The following LRRC7 variants were observed in gnomAD, a reference collection of about 807,000 sequenced individuals.
LRRC7 encodes the protein leucine-rich repeat-containing protein 7.
LRRC7 carries 23 observed loss-of-function variants against 175.7 expected under a neutral mutation model. The observed-to-expected ratio is 0.13, with a 90% CI of 0.09 to 0.19. The LOEUF (loss-of-function observed/expected upper bound fraction) is 0.19, where lower values mean the gene tolerates loss of function less well. LRRC7 is among the 10% of genes least tolerant of loss of function. The pLI is 1.00. For synonymous variants in LRRC7, 685 were observed against 680.9 expected (o/e 1.01, Z -0.09); for missense variants, 1,354 against 1,904.7 (o/e 0.71, Z 5.38).
chr1:69,871,834 G>A (rs1368894882), intron 7 of LRRC7, among the ~76,000 whole-genome samples: 2 of 151,808 alleles, frequency 1.3e-5, no homozygotes, highest in African/African-American at 2.4e-5. Context: ...AGTAATTTTT[G>A]TTCAAATAAT....
intron 7 of LRRC7, among the ~76,000 whole-genome samples, chr1:69,846,769 A>G (rs138407495): frequency 6.6e-6 from 1 of 152,222 alleles, no homozygotes; most frequent in African/African-American, 2.4e-5. Flanking sequence ...GACCCAGGAA[A>G]AATTTTAAAT....
intron 1 of LRRC7, among the ~76,000 whole-genome samples, chr1:69,629,448 A>G (rs530584523): frequency 6.6e-6 from 1 of 152,214 alleles, no homozygotes; most frequent in African/African-American, 2.4e-5. Flanking sequence ...GCCTTGAACC[A>G]TGTTATCAGC....
rs1666743512 is a variant in LRRC7, at chr1:70,133,180, G to A, written c.*11293G>A. Among the ~76,000 whole-genome samples the A allele has an allele frequency of 6.6e-6, 1 of 151,880 alleles. No homozygotes were observed. The highest frequency in any genetic ancestry group is 6.6e-5 in the Admixed American group (1 of 15,236). The stretch of plus-strand genomic sequence containing the variant: ...AAATCCCAGCCTTGGCAATTCTCTG[G>A]CTTGGGGGAGCACAGTCCGATTTTT... On this transcript the variant is annotated 3_prime_UTR_variant, in exon 27 of 27. Coordinates refer to ENST00000651989, the MANE Select transcript of LRRC7 (RefSeq NM_001370785.2).
chr1:69,890,232 A>G (rs1570527202), intron 7 of LRRC7, among the ~76,000 whole-genome samples: 1 of 152,216 alleles, frequency 6.6e-6, no homozygotes, highest in African/African-American at 2.4e-5. Context: ...ATAAGGCTTG[A>G]AAGTCAAAAT....
rs142688803 is a variant in LRRC7, at chr1:69,844,630, A to G, written c.647+6347A>G. Among the ~76,000 whole-genome samples the G allele has an allele frequency of 1.6e-4, 24 of 152,292 alleles. 1 individual carries two copies. The East Asian group carries it at 4.4e-3, about 28-fold the overall frequency. ...ATTCCATATCTTGGCTACTGTGAAT[A>G]ATGATGCAATGAACACGGGAGTGCA... On this transcript the variant is annotated intron_variant, in intron 7 of 26. Coordinates refer to ENST00000651989, the MANE Select transcript of LRRC7 (RefSeq NM_001370785.2).
At chr1:69,822,382 G>A (rs1292846815) in intron 4 of LRRC7, among the ~76,000 whole-genome samples, 1 of 152,234 alleles carries the variant, frequency 6.6e-6, no homozygotes, top group African/African-American at 2.4e-5. Flanking sequence ...AACGTGTTGG[G>A]AGGACCTATG....
At chr1:70,016,359 T>G (rs547673286) in intron 13 of LRRC7, 106 bp from the exon 14 acceptor site, 2 of 774,674 alleles carry the variant, frequency 2.6e-6, no homozygotes, top group South Asian at 5.5e-5. Context: ...GGAGAAGGGA[T>G]TCAAGAAAAG....
At chr1:69,638,132 A>G (rs1653680409) in intron 1 of LRRC7, among the ~76,000 whole-genome samples, 1 of 151,936 alleles carries the variant, frequency 6.6e-6, no homozygotes, top group Non-Finnish European at 1.5e-5. Flanking sequence ...TTTGTTCTCA[A>G]TTTTAATATA....
At chr1:70,060,516 G>T (rs193288386) in intron 23 of LRRC7, among the ~76,000 whole-genome samples, 1 of 152,064 alleles carries the variant, frequency 6.6e-6, no homozygotes, top group African/African-American at 2.4e-5. Context: ...TATGTCAAAA[G>T]GTTGGGGTGA....
At chr1:70,009,910 C>T (rs1279923895) in intron 11 of LRRC7, among the ~76,000 whole-genome samples, 1 of 152,090 alleles carries the variant, frequency 6.6e-6, no homozygotes, top group Non-Finnish European at 1.5e-5. Context: ...TGCTTAGCTG[C>T]ACACAGACTT....
At chr1:69,889,838 A>AGAG (rs60974303) in intron 7 of LRRC7, among the ~76,000 whole-genome samples, 22,780 of 151,022 alleles carry the variant, frequency 0.15, 2,644 homozygotes, top group African/African-American at 0.33. Context: ...AAGAAGAAGG[A>AGAG]GAGGAGGAGG....
intron 26 of LRRC7, among the ~76,000 whole-genome samples, chr1:70,108,257 A>G (rs184684226): frequency 1.3e-4 from 20 of 152,158 alleles, no homozygotes; most frequent in Admixed American, 1.0e-3. Flanking sequence ...GAAATATATA[A>G]TACATCATTC....
chr1:69,700,884 CA>C (rs1304228146), intron 2 of LRRC7, among the ~76,000 whole-genome samples: 1 of 152,138 alleles, frequency 6.6e-6, no homozygotes, highest in Non-Finnish European at 1.5e-5. Context: ...TGCTGTATAT[CA>C]AGGCCATTCC....
At chr1:69,918,131 G>T (rs1646774900) in intron 7 of LRRC7, among the ~76,000 whole-genome samples, 1 of 152,098 alleles carries the variant, frequency 6.6e-6, no homozygotes, top group South Asian at 2.1e-4. Context: ...TTATTTAAAG[G>T]TCATTCCCAT....
intron 2 of LRRC7, among the ~76,000 whole-genome samples, chr1:69,758,695 T>G (rs1273572943): frequency 2.6e-5 from 4 of 151,986 alleles, no homozygotes; most frequent in African/African-American, 9.7e-5. Flanking sequence ...GTGTCTATTG[T>G]TCCCTTCTTA....
intron 3 of LRRC7, among the ~76,000 whole-genome samples, chr1:69,768,670 T>G (rs1671889699): frequency 6.6e-6 from 1 of 152,154 alleles, no homozygotes; most frequent in Admixed American, 6.6e-5. Flanking sequence ...AGGGGAAAGT[T>G]AGAGCATATC....
intron 3 of LRRC7, among the ~76,000 whole-genome samples, chr1:69,776,961 T>C (rs933645752): frequency 6.6e-6 from 1 of 152,176 alleles, no homozygotes; most frequent in Non-Finnish European, 1.5e-5. Context: ...TTATGGTGAA[T>C]TTCCCATGGC....
chr1:69,850,598 A>G (rs1682865309), intron 7 of LRRC7, among the ~76,000 whole-genome samples: 1 of 152,096 alleles, frequency 6.6e-6, no homozygotes, highest in Non-Finnish European at 1.5e-5. Flanking sequence ...ATGAGTGGGA[A>G]GATTTGTGAC....
intron 8 of LRRC7, among the ~76,000 whole-genome samples, chr1:69,935,857 C>T (rs898294879): frequency 1.3e-5 from 2 of 152,034 alleles, no homozygotes; most frequent in African/African-American, 4.8e-5. Context: ...GTGGGTAGCA[C>T]ATTTTCTGTT....
Sources: allele counts gnomAD v4.1 joint callset (sites outside exome capture counted in the v4.1 genomes callset), GRCh38; gene constraint gnomAD v4.1.1; transcripts MANE v1.5; gene names NCBI Gene and HGNC (gene_info 2026-07-23, HGNC 2026-07-21).